Variants in PCDH15 observed in about 807,000 individuals in gnomAD.
PCDH15 encodes protocadherin related 15, also known as protocadherin-15.
PCDH15 carries 129 observed loss-of-function variants against 178.5 expected under a neutral mutation model. That is an observed-to-expected ratio of 0.72 (90% CI 0.63 to 0.84). The LOEUF (loss-of-function observed/expected upper bound fraction) is 0.84, where lower values mean the gene tolerates loss of function less well. Among genes scored for constraint, PCDH15 ranks in the 40% least tolerant of loss-of-function variants. The probability of loss-of-function intolerance (pLI) is 0.00; values close to 1 mark genes in which losing one functional copy is unlikely to be tolerated. For synonymous variants in PCDH15, 800 were observed against 732.0 expected (o/e 1.09, Z -1.50); for missense variants, 2,230 against 2,099.9 (o/e 1.06, Z -1.21).
chr10:55,001,029 C>A (rs1041850636), intron 2 of PCDH15, among the ~76,000 whole-genome samples: 2 of 152,174 alleles, frequency 1.3e-5, no homozygotes, highest in African/African-American at 2.4e-5. Context: ...TTGAGACGAC[C>A]TGCCTGAGGA....
At chr10:54,389,672 C>T (rs148759936) in intron 3 of PCDH15, among the ~76,000 whole-genome samples, 2,761 of 152,060 alleles carry the variant, frequency 0.018, 91 homozygotes, top group African/African-American at 0.063. Flanking sequence ...GGAATGGTGG[C>T]TCACGCCTGT....
intron 9 of PCDH15, among the ~76,000 whole-genome samples, chr10:54,236,055 G>T (rs2054596032): frequency 6.6e-6 from 1 of 152,160 alleles, no homozygotes; most frequent in Admixed American, 6.5e-5. Context: ...TAAGAGGACA[G>T]AAAGGGGTTG....
chr10:54,380,643 G>GTGTATATA (rs1355235834), intron 3 of PCDH15, among the ~76,000 whole-genome samples: 4 of 15,298 alleles, frequency 2.6e-4, no homozygotes, highest in African/African-American at 8.4e-4. Context: ...GTGTATGCAT[G>GTGTATATA]TATATATATA....
At chr10:54,883,869 G>C (rs11596917) in intron 3 of PCDH15, among the ~76,000 whole-genome samples, 33,443 of 151,794 alleles carry the variant, frequency 0.22, 4,317 homozygotes, top group Non-Finnish European at 0.29. Flanking sequence ...CATTAAATTG[G>C]TTTTGTTGTG....
chr10:54,161,612 C>T (rs1053065993), intron 13 of PCDH15, among the ~76,000 whole-genome samples: 43 of 146,154 alleles, frequency 2.9e-4, no homozygotes, highest in Non-Finnish European at 5.5e-4. Flanking sequence ...CATACCCTGT[C>T]TTGAAGCTTG....
chr10:55,169,783 A>G (rs1488736520), intron 1 of PCDH15, among the ~76,000 whole-genome samples: 1 of 152,186 alleles, frequency 6.6e-6, no homozygotes, highest in Non-Finnish European at 1.5e-5. Context: ...AAAAACAAAT[A>G]TGCACCTAGG....
intron 3 of PCDH15, among the ~76,000 whole-genome samples, chr10:54,843,330 A>C (rs1021291511): frequency 4.6e-5 from 7 of 152,002 alleles, no homozygotes; most frequent in African/African-American, 1.7e-4. Context: ...TAAGCTTAAC[A>C]ATCAGGCAAA....
chr10:54,461,561 G>A (rs981711068), intron 3 of PCDH15, among the ~76,000 whole-genome samples: 2 of 152,052 alleles, frequency 1.3e-5, no homozygotes. Flanking sequence ...AGCATATATA[G>A]CAACACATGT....
intron 2 of PCDH15, among the ~76,000 whole-genome samples, chr10:55,412,047 G>A (rs1358287717): frequency 2.0e-5 from 3 of 151,986 alleles, no homozygotes; most frequent in African/African-American, 2.4e-5. Flanking sequence ...GGCTGGAAAT[G>A]TTTACAAAGA....
chr10:55,094,729 A>T (rs1007423104), intron 2 of PCDH15, among the ~76,000 whole-genome samples: 3 of 151,914 alleles, frequency 2.0e-5, no homozygotes, highest in African/African-American at 7.3e-5. Flanking sequence ...ATAGAGATTA[A>T]TTTTCCCTTC....
intron 2 of PCDH15, among the ~76,000 whole-genome samples, chr10:55,477,821 T>C (rs1303816180): frequency 2.0e-5 from 3 of 151,822 alleles, no homozygotes; most frequent in Admixed American, 2.0e-4. Flanking sequence ...AAGTAGAAAA[T>C]ACTACTTAAG....
At chr10:55,237,166 A>T (rs1393497096) in intron 1 of PCDH15, among the ~76,000 whole-genome samples, 1 of 152,130 alleles carries the variant, frequency 6.6e-6, no homozygotes, top group African/African-American at 2.4e-5. Flanking sequence ...TCAGGTAAAC[A>T]ATTTTTTAGA....
intron 3 of PCDH15, among the ~76,000 whole-genome samples, chr10:54,455,657 G>A (rs990873078): frequency 3.3e-5 from 5 of 152,146 alleles, no homozygotes; most frequent in African/African-American, 1.2e-4. Flanking sequence ...GATGATGTGA[G>A]AGAAAAGAAA....
At chr10:55,539,748 TA>T (rs1841715323) in intron 2 of PCDH15, among the ~76,000 whole-genome samples, 1 of 152,142 alleles carries the variant, frequency 6.6e-6, no homozygotes, top group Non-Finnish European at 1.5e-5. Flanking sequence ...ATTATTGTAT[TA>T]AAAATGTATT....
chr10:53,867,280 C>T (rs1444534425), intron 26 of PCDH15, among the ~76,000 whole-genome samples: 2 of 151,852 alleles, frequency 1.3e-5, no homozygotes, highest in African/African-American at 4.8e-5. Context: ...TTTCATGTAA[C>T]ATAATGTCCT....
At chr10:55,094,538 T>C (rs745881557) in intron 2 of PCDH15, among the ~76,000 whole-genome samples, 2 of 152,046 alleles carry the variant, frequency 1.3e-5, no homozygotes, top group Admixed American at 6.6e-5. Context: ...ACTTAAAGTA[T>C]AATAAAAAAT....
intron 25 of PCDH15, among the ~76,000 whole-genome samples, chr10:53,911,734 A>G (rs1391538737): frequency 6.6e-6 from 1 of 152,182 alleles, no homozygotes; most frequent in African/African-American, 2.4e-5. Flanking sequence ...CCATCACAAG[A>G]CTAAACCAGG....
intron 1 of PCDH15, among the ~76,000 whole-genome samples, chr10:54,674,755 G>T (rs2135549303): frequency 6.6e-6 from 1 of 152,016 alleles, no homozygotes; most frequent in East Asian, 1.9e-4. Context: ...TATTTTTCTA[G>T]GAAACTGTAA....
intron 2 of PCDH15, among the ~76,000 whole-genome samples, chr10:55,113,290 C>T (rs1837553582): frequency 6.6e-6 from 1 of 151,926 alleles, no homozygotes; most frequent in African/African-American, 2.4e-5. Flanking sequence ...TCCCTAATGT[C>T]CTTTCCCTGT....
Sources: gnomAD v4.1 joint callset for allele counts (sites outside exome capture counted in the v4.1 genomes callset) on GRCh38, gnomAD v4.1.1 for gene constraint, MANE v1.5 for transcripts, NCBI Gene and HGNC (gene_info 2026-07-23, HGNC 2026-07-21) for gene names.